Variants in NRCAM observed in about 807,000 individuals in gnomAD.
NRCAM encodes neuronal cell adhesion molecule, also known as NgCAM-related cell adhesion molecule.
In NRCAM, 83 loss-of-function variants were observed where a neutral mutation model predicts 156.5. The observed-to-expected ratio is 0.53, with a 90% confidence interval of 0.44 to 0.64. NRCAM has a LOEUF of 0.64. Ranked by LOEUF, NRCAM falls within the 30% of genes least tolerant of loss-of-function variation. NRCAM has a pLI of 0.00. For synonymous variants in NRCAM, 538 were observed against 563.9 expected (o/e 0.95, Z 0.65); for missense variants, 1,417 against 1,597.3 (o/e 0.89, Z 1.92).
At chr7:108,453,728 A>C (rs1223587853) in intron 1 of NRCAM, among the ~76,000 whole-genome samples, 4 of 152,256 alleles carry the variant, frequency 2.6e-5, no homozygotes, top group Non-Finnish European at 4.4e-5. Context: ...TGAATGCAAA[A>C]TAAATCAATT....
chr7:108,389,612 G>C (rs530614344), intron 2 of NRCAM, among the ~76,000 whole-genome samples: 1 of 152,322 alleles, frequency 6.6e-6, no homozygotes, highest in Non-Finnish European at 1.5e-5. Context: ...AGTGGTGAGA[G>C]AGGGTATCCC....
chr7:108,223,928 C>A, intron 10 of NRCAM, 92 bp from the exon 11 acceptor site: 2 of 688,822 alleles, frequency 2.9e-6, no homozygotes, highest in South Asian at 1.7e-5. Flanking sequence ...AAATTCCAAT[C>A]CCTTTTTAAG....
At chr7:108,379,551 G>A (rs922439612) in intron 2 of NRCAM, among the ~76,000 whole-genome samples, 3 of 152,116 alleles carry the variant, frequency 2.0e-5, no homozygotes, top group African/African-American at 7.2e-5. Flanking sequence ...CAATGTGAAT[G>A]TACTTAACAC....
In NRCAM at chr7:108,148,178, A is replaced by C. The variant is rs980224546; in HGVS notation, c.*1732T>G. 1 of 152,652 alleles carries C rather than the reference A, an allele frequency of 6.6e-6. No homozygotes were observed. Among genetic ancestry groups the C allele is most frequent in the Non-Finnish European group, 1.5e-5 (1 of 68,052 alleles). 9.5% of individuals were successfully genotyped at this position (152,652 alleles called of 1,614,324 possible). A position where few individuals can be genotyped will look rare whatever the true frequency, so the allele number is the denominator to read the frequency against. ...AAAATCTGCTGTCAATACGTAGAAA[A>C]GTTCACTATTTCAGTTTCACAGCAA... On this transcript the variant is annotated 3_prime_UTR_variant, in exon 33 of 33. Coordinates refer to ENST00000379028, the MANE Select transcript of NRCAM (RefSeq NM_001037132.4).
rs138480873 is a variant in NRCAM at position 108,234,666 on chromosome 7, G to A, written c.147C>T (p.Thr49=). 4.3e-6 allele frequency: 7 copies of A among 1,610,790 alleles called. No individual in the cohort carries two copies. The highest frequency in any genetic ancestry group is 5.1e-6 in the Non-Finnish European group (6 of 1,177,558). ...TAATGTAATCTTTTGGAGACTGTTG[G>A]GTGATGGTTGGAGGCTGTACCACTT... ...LEDLVQPPTI[T]QQSPKDYIID... is the part of the protein sequence containing the mutation. The change falls in exon 6 of 33, where the codon ACC becomes ACT. Residue 49 remains threonine (T), a synonymous_variant. Transcript: ENST00000379028.
At chr7:108,250,002 C>G (rs1193636617) in intron 3 of NRCAM, among the ~76,000 whole-genome samples, 1 of 152,196 alleles carries the variant, frequency 6.6e-6, no homozygotes, top group African/African-American at 2.4e-5. Context: ...GATATCTGCA[C>G]TCCCATGTTT....
At chr7:108,452,406 T>C (rs1046581784) in intron 1 of NRCAM, among the ~76,000 whole-genome samples, 1 of 140,376 alleles carries the variant, frequency 7.1e-6, no homozygotes, top group Non-Finnish European at 1.6e-5. Flanking sequence ...TCATTAATGC[T>C]GTGGGGGGGG....
At chr7:108,444,846 C>G (rs1224134401) in intron 1 of NRCAM, among the ~76,000 whole-genome samples, 1 of 152,146 alleles carries the variant, frequency 6.6e-6, no homozygotes, top group Non-Finnish European at 1.5e-5. Context: ...ATAATTCAAT[C>G]CATAACACAT....
intron 32 of NRCAM, among the ~76,000 whole-genome samples, chr7:108,153,494 C>G (rs73412313): frequency 0.012 from 1,881 of 151,978 alleles, 45 homozygotes; most frequent in African/African-American, 0.043. Flanking sequence ...CAACAAGAAA[C>G]CTAAAGTAAA....
Position 108,397,651 on chromosome 7 carries a change from A to T in NRCAM, c.-174+1785T>A, listed in dbSNP as rs573423000. ...TGCTGAAACACTGGGCAGAGCAATG[A>T]AAGTGAGAATTTGACAAAAAATCAT... On this transcript the variant is annotated intron_variant, in intron 2 of 32. Transcript: ENST00000379028. Among the ~76,000 whole-genome samples, 3 of 152,352 alleles carry T rather than the reference A, an allele frequency of 2.0e-5. No homozygotes were observed. The South Asian group carries it at 6.2e-4, about 32-fold the overall frequency.
At chr7:108,325,329 T>C (rs1158323941) in intron 2 of NRCAM, among the ~76,000 whole-genome samples, 1 of 152,186 alleles carries the variant, frequency 6.6e-6, no homozygotes, top group Admixed American at 6.5e-5. Flanking sequence ...ATCTATGAAG[T>C]GGTACATGAC....
intron 6 of NRCAM, among the ~76,000 whole-genome samples, chr7:108,232,964 G>C (rs1345743206): frequency 6.6e-6 from 1 of 152,136 alleles, no homozygotes; most frequent in East Asian, 1.9e-4. Flanking sequence ...GATGAAAATT[G>C]ATCAGACAAA....
At chr7:108,405,377 T>G (rs2099804388) in intron 1 of NRCAM, among the ~76,000 whole-genome samples, 1 of 152,230 alleles carries the variant, frequency 6.6e-6, no homozygotes. Flanking sequence ...AGAAAGGAAG[T>G]GCTCCAGCTT....
rs1452684819 is a variant in NRCAM, at chr7:108,383,559, T to C, written c.-174+15877A>G. Among the ~76,000 whole-genome samples the C allele has an allele frequency of 3.9e-5, 6 of 152,184 alleles. No individual in the cohort carries two copies. The East Asian group carries it at 1.2e-3, about 29-fold the overall frequency. ...CCCTGCAGACTTCAACGGAGTTCCA[T>C]CTTGAACATCCAAGGGCAGTCATCT... On this transcript the variant is annotated intron_variant, in intron 2 of 32. Transcript: ENST00000379028.
chr7:108,196,193 T>G (rs2074958603), intron 14 of NRCAM, among the ~76,000 whole-genome samples: 1 of 152,240 alleles, frequency 6.6e-6, no homozygotes, highest in Non-Finnish European at 1.5e-5. Context: ...CAGCCAAGTA[T>G]ATTTTTGTTG....
chr7:108,430,349 T>C (rs1001222924), intron 1 of NRCAM, among the ~76,000 whole-genome samples: 3 of 152,112 alleles, frequency 2.0e-5, no homozygotes, highest in African/African-American at 7.2e-5. Context: ...GAGACCACAG[T>C]GGCTTGATCC....
intron 11 of NRCAM, among the ~76,000 whole-genome samples, chr7:108,214,626 A>T (rs2086837269): frequency 6.6e-6 from 1 of 151,576 alleles, no homozygotes; most frequent in South Asian, 2.1e-4. Context: ...GATCTTAGTT[A>T]TTTCTTGTTT....
intron 23 of NRCAM, among the ~76,000 whole-genome samples, chr7:108,182,277 T>G (rs2063921027): frequency 6.6e-6 from 1 of 151,850 alleles, no homozygotes; most frequent in Non-Finnish European, 1.5e-5. Context: ...ACACTTGGAT[T>G]TTTTTTTCCC....
At chr7:108,239,086 G>A (rs1247229833) in intron 4 of NRCAM, among the ~76,000 whole-genome samples, 1 of 152,158 alleles carries the variant, frequency 6.6e-6, no homozygotes, top group Non-Finnish European at 1.5e-5. Flanking sequence ...AGGGATAAAG[G>A]AGAAATCGAT....
Sources: gnomAD v4.1 joint callset for allele counts (sites outside exome capture counted in the v4.1 genomes callset) on GRCh38, gnomAD v4.1.1 for gene constraint, MANE v1.5 for transcripts, NCBI Gene and HGNC (gene_info 2026-07-23, HGNC 2026-07-21) for gene names.